POLD1: variants seen among roughly 807,000 people sequenced by gnomAD.
POLD1 encodes DNA polymerase delta catalytic subunit.
Under a neutral mutation model 129.7 loss-of-function variants are expected in POLD1, and 79 were observed. That is an observed-to-expected ratio of 0.61 (90% CI 0.51 to 0.73). POLD1 has a LOEUF of 0.73. POLD1 is among the 30% of genes least tolerant of loss of function. The pLI, the probability that POLD1 is intolerant of heterozygous loss-of-function variation, is 0.00. For synonymous variants in POLD1, 714 were observed against 683.3 expected (o/e 1.04, Z -0.70); for missense variants, 1,338 against 1,595.8 (o/e 0.84, Z 2.75).
intron 24 of POLD1, 21 bp from the exon 25 acceptor site, chr19:50,417,024 G>T (rs1568641105): frequency 1.9e-6 from 3 of 1,547,120 alleles, no homozygotes; most frequent in Non-Finnish European, 8.7e-7. Flanking sequence ...CCAGCACTTG[G>T]GCTGACCCGC....
chr19:50,404,633 C>T (rs376993450), intron 10 of POLD1, among the ~76,000 whole-genome samples: 36 of 129,172 alleles, frequency 2.8e-4, no homozygotes, highest in African/African-American at 1.0e-3. Context: ...GGCTGGAGTG[C>T]GATGGCACGA....
intron 1 of POLD1, among the ~76,000 whole-genome samples, chr19:50,384,675 C>T (rs932436906): frequency 2.0e-5 from 3 of 152,078 alleles, no homozygotes; most frequent in Non-Finnish European, 2.9e-5. Flanking sequence ...GGTGCACGTG[C>T]GGGCTTGGTG....
rs1262890589 is a variant in POLD1, at chr19:50,403,497, G to C, written c.1142G>C (p.Trp381Ser). 1 of 1,612,752 alleles carries C rather than the reference G, an allele frequency of 6.2e-7. No homozygotes were observed. Among genetic ancestry groups the C allele is most frequent in the African/African-American group, 1.3e-5 (1 of 74,902 alleles). ...CCAATGTGCTCCCACCCCCAGGCCT[G>C]GTCCACCTTCATCCGTATCATGGAC... is the stretch of plus-strand genomic sequence containing the variant. ...YEKEEDLLQA[W>S]STFIRIMDPD... The change falls in exon 10 of 27, where the codon TGG becomes TCG. Residue 381 changes from tryptophan (W) to serine (S), a missense_variant. This residue lies in a region of POLD1 where 720 missense variants were observed against 1,002.6 expected (regional missense o/e 0.72). Coordinates refer to ENST00000440232, the MANE Select transcript of POLD1 (RefSeq NM_002691.4).
At chr19:50,401,313 G>A (rs1319661251) in intron 3 of POLD1, among the ~76,000 whole-genome samples, 2 of 137,496 alleles carry the variant, frequency 1.5e-5, no homozygotes, top group African/African-American at 2.7e-5. Context: ...ATATTTTGTA[G>A]AGACAAATAT....
intron 1 of POLD1, among the ~76,000 whole-genome samples, chr19:50,397,313 T>G (rs1461393098): frequency 6.6e-6 from 1 of 151,526 alleles, no homozygotes; most frequent in African/African-American, 2.4e-5. Context: ...GCAGAAGAAT[T>G]GCTTGAACTG....
rs772669344 is a variant in POLD1, at chr19:50,406,160, A to G, written c.1243-22A>G. On this transcript the variant is annotated intron_variant, in intron 10 of 26. Transcript: ENST00000440232. The surrounding 1 kb of genome is among the most constrained non-coding windows in gnomAD (Gnocchi z 5.5). Reference sequence around the variant, plus strand: ...GTGACGGGGACCCGCAGCCTGCTGCACACCCTGCCTCTCCTCCTCAGGTAC... The same window carrying G: ...GTGACGGGGACCCGCAGCCTGCTGCGCACCCTGCCTCTCCTCCTCAGGTAC... 1 of 1,607,306 alleles carries G rather than the reference A, an allele frequency of 6.2e-7. No homozygotes were observed. The highest frequency in any genetic ancestry group is 2.2e-5 in the East Asian group (1 of 44,674).
At chr19:50,408,031 G>A (rs984009288) in intron 14 of POLD1, among the ~76,000 whole-genome samples, 6 of 150,910 alleles carry the variant, frequency 4.0e-5, no homozygotes, top group South Asian at 4.2e-4. Flanking sequence ...GCAACACCCC[G>A]GCCCTAAAAT....
chr19:50,415,951 C>A (rs920338312), intron 22 of POLD1, 125 bp downstream of exon 22: 6 of 685,692 alleles, frequency 8.8e-6, no homozygotes, highest in Non-Finnish European at 1.4e-5. Flanking sequence ...GAACCGCCCC[C>A]CATGGCAGCC....
intron 1 of POLD1, among the ~76,000 whole-genome samples, chr19:50,389,554 C>T (rs75698931): frequency 0.019 from 2,919 of 152,030 alleles, 89 homozygotes; most frequent in African/African-American, 0.063. Context: ...CCACGTGTCC[C>T]TGTAATATTC....
Position 50,407,341 on chromosome 19 carries a change from G to T in POLD1, c.1701G>T (p.Gly567=). 1.2e-6 allele frequency: 2 copies of T among 1,612,882 alleles called. No homozygotes were observed. Among genetic ancestry groups the T allele is most frequent in the Non-Finnish European group, 1.7e-6 (2 of 1,179,434 alleles). The change falls in exon 14 of 27, where the codon GGG becomes GGT. Residue 567 remains glycine (G), a synonymous_variant. Transcript: ENST00000440232. ...TCCCCTCCCAGGCCATGCACGAGGG[G>T]CTGCTGATGCCCGTGGTGAAGTCAG... ...SQLLRQAMHE[G]LLMPVVKSEG... is the part of the protein sequence containing the mutation.
chr19:50,410,984 GTCTC>G (rs1229575875), intron 17 of POLD1: 2 of 112,360 alleles, frequency 1.8e-5, no homozygotes, highest in Non-Finnish European at 3.4e-5. Flanking sequence ...TTGAGACAGA[GTCTC>G]ACTCTCTCAC....
In POLD1 at chr19:50,408,838, T is replaced by C. The variant is rs2122368013; in HGVS notation, c.1829T>C (p.Ile610Thr). 1 of 1,614,048 alleles carries C rather than the reference T, an allele frequency of 6.2e-7. No individual in the cohort carries two copies. The highest frequency in any genetic ancestry group is 8.5e-7 in the Non-Finnish European group (1 of 1,180,008). ...GACTTCTCCTCGCTGTACCCGTCCA[T>C]CATGATGGCCCACAACCTGTGTTAC... ...TLDFSSLYPS[I>T]MMAHNLCYTT... Residue 610 changes from isoleucine to threonine, a missense_variant, in exon 15 of 27, where the codon ATC becomes ACC. By Grantham distance (89) the Ile-to-Thr change is moderately conservative. Transcript: ENST00000440232.
intron 21 of POLD1, 40 bp from the exon 22 acceptor site, chr19:50,415,684 C>T (rs2122479229): frequency 6.8e-7 from 1 of 1,478,252 alleles, no homozygotes; most frequent in Non-Finnish European, 9.1e-7. Context: ...CCCCCGCCAC[C>T]CACCTGCCCT....
At chr19:50,401,064 G>C (rs931899672) in intron 3 of POLD1, among the ~76,000 whole-genome samples, 10 of 151,368 alleles carry the variant, frequency 6.6e-5, no homozygotes, top group Admixed American at 2.0e-4. Context: ...GAGGCAGGCT[G>C]ATCACTTGAG....
chr19:50,401,385 ATATATATTTTTTTTT>A (rs1228298898), intron 3 of POLD1, among the ~76,000 whole-genome samples: 10 of 58,288 alleles, frequency 1.7e-4, no homozygotes, highest in South Asian at 4.7e-4. Flanking sequence ...ATATATATAT[ATATATATTTTTTTTT>A]TTTTTTTTTT....
At position 50,416,380 on chromosome 19, in the gene POLD1, T is replaced by A; in HGVS notation, c.2821-16T>A. The A allele has an allele frequency of 6.5e-7, 1 of 1,547,968 alleles. No homozygotes were observed. The highest frequency in any genetic ancestry group is 1.2e-5 in the South Asian group (1 of 83,964). ...CTTTCCCTGGCTGCCCGGGTGTGAC[T>A]GCCATGTGGCCGCAGGACCCGCTGT... On this transcript the variant is annotated splice_polypyrimidine_tract_variant and intron_variant, in intron 22 of 26. Coordinates refer to ENST00000440232, the MANE Select transcript of POLD1 (RefSeq NM_002691.4).
At position 50,402,003 on chromosome 19, in the gene POLD1, C is replaced by T. The variant is rs369905962; in HGVS notation, c.468C>T (p.Phe156=). 4.3e-5 allele frequency: 69 copies of T among 1,613,958 alleles called. No homozygotes were observed. Among genetic ancestry groups the T allele is most frequent in the Non-Finnish European group, 5.5e-5 (65 of 1,179,996 alleles). Residue 156 remains phenylalanine, a synonymous_variant, in exon 5 of 27, where the codon TTC becomes TTT. Transcript: ENST00000440232. ...PYFYTPAPPG[F]GPEHMGDLQR... ...TGATCATCCCTCCCACACCAGGTTT[C>T]GGGCCCGAGCACATGGGTGACCTGC...
At chr19:50,389,158 T>C (rs2038068178) in intron 1 of POLD1, among the ~76,000 whole-genome samples, 1 of 150,926 alleles carries the variant, frequency 6.6e-6, no homozygotes, top group Non-Finnish European at 1.5e-5. Flanking sequence ...TACAGTATTT[T>C]ACTCTGTCAT....
intron 1 of POLD1, among the ~76,000 whole-genome samples, chr19:50,391,542 C>A (rs1489152254): frequency 6.6e-6 from 1 of 152,130 alleles, no homozygotes; most frequent in Non-Finnish European, 1.5e-5. Context: ...CCAAAAAATA[C>A]AAAAACCAGT....
Sources: gnomAD v4.1 joint callset for allele counts (sites outside exome capture counted in the v4.1 genomes callset) on GRCh38, gnomAD v4.1.1 for gene constraint, gnomAD v4.1.1 regional missense constraint, Gnocchi (gnomAD v3.1) non-coding constraint, MANE v1.5 for transcripts, NCBI Gene and HGNC (gene_info 2026-07-23, HGNC 2026-07-21) for gene names.